ANKRD26: variants seen among roughly 807,000 people sequenced by gnomAD.
The protein encoded by ANKRD26 is ankyrin repeat domain-containing protein 26.
Under a neutral mutation model 208.7 loss-of-function variants are expected in ANKRD26, and 141 were observed. That is an observed-to-expected ratio of 0.68 (90% CI 0.59 to 0.78). The LOEUF is 0.78. ANKRD26 is among the 30% of genes least tolerant of loss of function. ANKRD26 has a pLI of 0.00. For synonymous variants in ANKRD26, 636 were observed against 660.4 expected (o/e 0.96, Z 0.57); for missense variants, 1,889 against 1,938.7 (o/e 0.97, Z 0.48).
intron 6 of ANKRD26, among the ~76,000 whole-genome samples, chr10:27,081,313 T>C (rs2055897857): frequency 6.6e-6 from 1 of 152,208 alleles, no homozygotes; most frequent in Non-Finnish European, 1.5e-5. Context: ...AAAGCCCGGT[T>C]CCTATCCAAC....
intron 5 of ANKRD26, among the ~76,000 whole-genome samples, chr10:27,085,010 C>T (rs758276853): frequency 9.3e-5 from 14 of 151,168 alleles, no homozygotes; most frequent in Non-Finnish European, 1.9e-4. Flanking sequence ...TTATGATAAT[C>T]TTTTGGCTAA....
intron 5 of ANKRD26, among the ~76,000 whole-genome samples, chr10:27,083,996 T>C (rs1207569714): frequency 6.6e-6 from 1 of 151,924 alleles, no homozygotes; most frequent in Admixed American, 6.6e-5. Context: ...GGGCAGAACA[T>C]GAGGCCAGGA....
chr10:27,013,025 T>C lies in ANKRD26; in HGVS notation c.4810A>G (p.Arg1604Gly). 6.2e-7 allele frequency: 1 copy of C among 1,614,074 alleles called. No homozygotes were observed. The highest frequency in any genetic ancestry group is 8.5e-7 in the Non-Finnish European group (1 of 1,179,980). ...ACACAAGGTGGCTCCATGACTGGCC[T>C]GGTAGTGAGAGTGGTGAACAAAGAT... The part of the protein sequence containing the change: ...SRSLFTTLTT[R>G]PVMEPPCVGN... The change falls in exon 32 of 34, where the codon AGG (arginine) becomes GGG (glycine). Residue 1604 changes from arginine to glycine, a missense_variant. This residue lies in a region of ANKRD26 where 613 missense variants were observed against 648.2 expected (regional missense o/e 0.95). Transcript: ENST00000376087.
At chr10:27,058,422 T>C (rs1373216374) in intron 15 of ANKRD26, among the ~76,000 whole-genome samples, 1 of 152,240 alleles carries the variant, frequency 6.6e-6, no homozygotes, top group South Asian at 2.1e-4. Flanking sequence ...GGGTCATAGC[T>C]CTAAAGTCTA....
chr10:27,005,811 G>A, intron 33 of ANKRD26, 88 bp from the exon 34 acceptor site: 7 of 1,502,500 alleles, frequency 4.7e-6, no homozygotes, highest in Admixed American at 2.2e-5. Flanking sequence ...TGAGAATTTT[G>A]TCAGTATTAA....
intron 1 of ANKRD26, among the ~76,000 whole-genome samples, chr10:27,099,864 T>TG (rs1321695980): frequency 3.2e-3 from 2 of 630 alleles, no homozygotes; most frequent in Admixed American, 0.015. Flanking sequence ...AAGTGCTCTC[T>TG]AAGGGATTTC....
At chr10:26,971,404 G>A (rs1482976010), downstream of ANKRD26, among the ~76,000 whole-genome samples, 1 of 151,908 alleles carries the variant, frequency 6.6e-6, no homozygotes, top group Non-Finnish European at 1.5e-5. Context: ...GCCAGGCGTG[G>A]TGGCTCATGC....
intron 18 of ANKRD26, 184 bp downstream of exon 18, chr10:27,046,169 G>T: frequency 1.5e-6 from 1 of 655,170 alleles, no homozygotes; most frequent in Non-Finnish European, 2.6e-6. Context: ...ACTATAGTCA[G>T]GGCTCCATGG....
intron 27 of ANKRD26, among the ~76,000 whole-genome samples, chr10:27,026,526 C>A (rs1219691961): frequency 2.0e-5 from 3 of 152,168 alleles, no homozygotes; most frequent in Non-Finnish European, 4.4e-5. Flanking sequence ...ATAGGTGTAT[C>A]TGTATAGGAG....
chr10:27,087,444 C>T (rs1407203677), intron 4 of ANKRD26, among the ~76,000 whole-genome samples: 1 of 152,136 alleles, frequency 6.6e-6, no homozygotes, highest in Non-Finnish European at 1.5e-5. Flanking sequence ...AATGTTTCTC[C>T]AAAGGTTCTA....
At chr10:26,983,138 G>C (rs1589164587) in intron 3 of ANKRD26, among the ~76,000 whole-genome samples, 1 of 152,180 alleles carries the variant, frequency 6.6e-6, no homozygotes, top group East Asian at 1.9e-4. Context: ...TTAGCAAAGA[G>C]ATAGCCATGC....
downstream of ANKRD26, among the ~76,000 whole-genome samples, chr10:26,989,874 G>A (rs751624922): frequency 1.3e-5 from 2 of 152,134 alleles, no homozygotes; most frequent in Non-Finnish European, 2.9e-5. Flanking sequence ...AAGTTCAGAG[G>A]AGGCGGGGTA....
chr10:26,960,317 G>A, the ANKRD26 span, among the ~76,000 whole-genome samples: 23 of 152,212 alleles, frequency 1.5e-4, no homozygotes, highest in Admixed American at 7.9e-4. Flanking sequence ...GGCCCTGAGC[G>A]AAGCATTAGC....
chr10:27,029,075 C>T, intron 26 of ANKRD26, 130 bp from the exon 27 acceptor site: 2 of 1,000,608 alleles, frequency 2.0e-6, no homozygotes, highest in Non-Finnish European at 2.9e-6. Flanking sequence ...GATTTGGCAA[C>T]TCTATCGTTT....
the ANKRD26 span, among the ~76,000 whole-genome samples, chr10:26,966,286 G>A: frequency 2.6e-5 from 4 of 152,292 alleles, no homozygotes; most frequent in African/African-American, 7.2e-5. Flanking sequence ...ATACACCATG[G>A]AATACTATGC....
chr10:27,013,341 TCAAG>T (rs2134906641), intron 31 of ANKRD26, among the ~76,000 whole-genome samples: 1 of 152,270 alleles, frequency 6.6e-6, no homozygotes, highest in African/African-American at 2.4e-5. Flanking sequence ...AACAAGTAAT[TCAAG>T]CAAAGTAGGG....
chr10:27,063,951 G>A lies in ANKRD26; in HGVS notation c.1363+37C>T, dbSNP rs371731825. 1.4e-4 allele frequency: 209 copies of A among 1,486,624 alleles called. 1 individual carries two copies. Among genetic ancestry groups the A allele is most frequent in the Non-Finnish European group, 1.9e-4 (201 of 1,070,536 alleles). The allele number at this position is 1,486,624 out of a possible 1,614,324, so 92.1% of individuals were successfully genotyped here. A position where few individuals can be genotyped will look rare whatever the true frequency, so the allele number is the denominator to read the frequency against. On this transcript the variant is annotated intron_variant, in intron 12 of 33. Coordinates refer to ENST00000376087, the MANE Select transcript of ANKRD26 (RefSeq NM_014915.3). ...AGTCATGTTTTTAAATAAACACTCT[G>A]TCCAATGGCTTTTTAAAAATGAAAT... is the stretch of plus-strand genomic sequence containing the variant.
At chr10:27,061,308 C>T in intron 12 of ANKRD26, 66 bp from the exon 13 acceptor site, 1 of 1,046,666 alleles carries the variant, frequency 9.6e-7, no homozygotes, top group Non-Finnish European at 1.4e-6. Context: ...AATTTAATTG[C>T]CACAGAATTA....
downstream of ANKRD26, among the ~76,000 whole-genome samples, chr10:26,987,830 C>A (rs187232137): frequency 5.9e-5 from 9 of 152,218 alleles, no homozygotes; most frequent in South Asian, 2.1e-4. Flanking sequence ...GGGAAGAACA[C>A]GTAATAATAT....
Sources: gnomAD v4.1 joint callset for allele counts (sites outside exome capture counted in the v4.1 genomes callset) on GRCh38, gnomAD v4.1.1 for gene constraint, gnomAD v4.1.1 regional missense constraint, MANE v1.5 for transcripts, NCBI Gene and HGNC (gene_info 2026-07-23, HGNC 2026-07-21) for gene names.